Variants in SYDE2 observed in about 807,000 individuals in gnomAD.
The protein encoded by SYDE2 is synapse defective Rho GTPase homolog 2.
Under a neutral mutation model 91.5 loss-of-function variants are expected in SYDE2, and 76 were observed. The observed-to-expected ratio is 0.83, with a 90% CI of 0.69 to 1.01. The LOEUF (loss-of-function observed/expected upper bound fraction) is 1.01, where lower values mean the gene tolerates loss of function less well. Among genes scored for constraint, SYDE2 ranks in the 50% least tolerant of loss-of-function variants. The probability of loss-of-function intolerance (pLI) is 0.00; values close to 1 mark genes in which losing one functional copy is unlikely to be tolerated. For missense variants in SYDE2, 1,364 were observed against 1,367.7 expected (o/e 1.00, Z 0.04); for synonymous variants, 513 against 506.4 (o/e 1.01, Z -0.18).
chr1:85,178,095 G>A (rs1471720885), intron 4 of SYDE2, 51 bp downstream of exon 4: 4 of 1,381,624 alleles, frequency 2.9e-6, no homozygotes, highest in Non-Finnish European at 3.9e-6. Context: ...TATCTTTCTT[G>A]CAGATGTAGT....
chr1:85,176,148 A>C (rs1412786774), intron 4 of SYDE2, among the ~76,000 whole-genome samples: 1 of 139,834 alleles, frequency 7.2e-6, no homozygotes, highest in Non-Finnish European at 1.5e-5. Context: ...TTTTATTTAT[A>C]GAGTGTACTT....
Position 85,158,765 on chromosome 1 carries a change from A to C in SYDE2, c.3570T>G (p.Leu1190=). ...NLERELNKNK[L]NMSF Reference sequence around the variant, plus strand: ...ACCCTCAATCTCAAAAACTCATATTAAGCTTGTTTTTGTTGAGCTCACGTT... The same window carrying C: ...ACCCTCAATCTCAAAAACTCATATTCAGCTTGTTTTTGTTGAGCTCACGTT... The change falls in exon 7 of 7, where the codon CTT becomes CTG. Residue 1190 remains leucine (L), a synonymous_variant. Coordinates refer to ENST00000341460, the MANE Select transcript of SYDE2 (RefSeq NM_032184.2). 1 of 743,408 alleles carries C rather than the reference A, an allele frequency of 1.3e-6. No homozygotes were observed. The highest frequency in any genetic ancestry group is 2.5e-6 in the Non-Finnish European group (1 of 405,448). 46.1% of individuals were successfully genotyped at this position (743,408 alleles called of 1,614,324 possible).
At chr1:85,199,762 G>A (rs545533849) in intron 1 of SYDE2, among the ~76,000 whole-genome samples, 6 of 146,174 alleles carry the variant, frequency 4.1e-5, no homozygotes, top group Admixed American at 1.3e-4. Context: ...ATGTGTGTGC[G>A]TGCCTGGGAG....
chr1:85,189,488 G>A (rs550406408), intron 2 of SYDE2, among the ~76,000 whole-genome samples: 2 of 152,236 alleles, frequency 1.3e-5, no homozygotes, highest in South Asian at 2.1e-4. Flanking sequence ...CCAACTAATA[G>A]GCAAGCAATT....
chr1:85,198,508 A>T (rs1658686972), intron 1 of SYDE2, among the ~76,000 whole-genome samples: 1 of 152,220 alleles, frequency 6.6e-6, no homozygotes, highest in African/African-American at 2.4e-5. Flanking sequence ...ACCAGAGATT[A>T]TGGTAGCTTT....
chr1:85,173,749 A>G (rs1452766395), intron 4 of SYDE2, among the ~76,000 whole-genome samples: 3 of 152,230 alleles, frequency 2.0e-5, no homozygotes, highest in Non-Finnish European at 2.9e-5. Context: ...ACCTATAATG[A>G]GGAGTAAAAT....
intron 4 of SYDE2, among the ~76,000 whole-genome samples, chr1:85,174,050 C>T (rs1657599929): frequency 7.1e-6 from 1 of 140,572 alleles, no homozygotes; most frequent in Non-Finnish European, 1.5e-5. Flanking sequence ...ATGGAAAAAG[C>T]TGAAAAAAAA....
At chr1:85,183,246 AT>A in intron 2 of SYDE2, 46 bp from the exon 3 acceptor site, 1 of 1,466,804 alleles carries the variant, frequency 6.8e-7, no homozygotes, top group South Asian at 1.5e-5. Flanking sequence ...ATATGTTTTG[AT>A]TTCTTTTATT....
Position 85,182,078 on chromosome 1 carries a change from G to T in SYDE2, c.2544+20C>A. The T allele has an allele frequency of 6.5e-7, 1 of 1,548,492 alleles. No homozygotes were observed. Among genetic ancestry groups the T allele is most frequent in the South Asian group, 1.3e-5 (1 of 77,668 alleles). The stretch of plus-strand genomic sequence containing the variant: ...ATCAATCAATAAAGGAAGTAGTAGG[G>T]AACCATAGTAAGATAATACCTGACA... On this transcript the variant is annotated intron_variant, in intron 3 of 6. Transcript: ENST00000341460.
chr1:85,181,797 G>A (rs1445515700), intron 3 of SYDE2: 1 of 225,648 alleles, frequency 4.4e-6, no homozygotes, highest in Admixed American at 5.1e-5. Context: ...CTTTGCCTAT[G>A]TTATCAGCTC....
chr1:85,190,888 C>G, intron 1 of SYDE2, 136 bp from the exon 2 acceptor site: 2 of 566,728 alleles, frequency 3.5e-6, no homozygotes, highest in East Asian at 3.0e-5. Context: ...TAAAATTGAA[C>G]TAGAAAAAAT....
Position 85,200,400 on chromosome 1 carries a change from A to G in SYDE2, c.597T>C (p.Arg199=). 1 of 1,614,016 alleles carries G rather than the reference A, an allele frequency of 6.2e-7. No homozygotes were observed. Among genetic ancestry groups the G allele is most frequent in the Non-Finnish European group, 8.5e-7 (1 of 1,179,894 alleles). The part of the protein sequence containing the change: ...KKLQKWMYKG[R]LLSLGMKGRA... ...GACCCTTCATTCCCAGGGACAGCAG[A>G]CGCCCTTTGTACATCCACTTCTGCA... Residue 199 remains arginine (R), a synonymous_variant, in exon 1 of 7, where the codon CGT becomes CGC. Coordinates refer to ENST00000341460, the MANE Select transcript of SYDE2 (RefSeq NM_032184.2).
chr1:85,164,463 AT>A (rs2100647367), intron 6 of SYDE2, 62 bp downstream of exon 6: 1 of 1,172,318 alleles, frequency 8.5e-7, no homozygotes, highest in Non-Finnish European at 1.1e-6. Flanking sequence ...AGCATATTTA[AT>A]GATTAGTTAA....
In SYDE2 at chr1:85,182,128, A is replaced by G; in HGVS notation, c.2514T>C (p.Cys838=). The G allele has an allele frequency of 6.3e-7, 1 of 1,598,626 alleles. No homozygotes were observed. The highest frequency in any genetic ancestry group is 8.5e-7 in the Non-Finnish European group (1 of 1,173,646). The stretch of plus-strand genomic sequence containing the variant: ...AGCCTCTCTTTTCAATTTCCATAAT[A>G]CATTTCTGTATCAGAAGGGGCACCA... ...GLMVPLLIQK[C]IMEIEKRGCQ... The change falls in exon 3 of 7, where the codon TGT becomes TGC. Residue 838 remains cysteine, a synonymous_variant. Coordinates refer to ENST00000341460, the MANE Select transcript of SYDE2 (RefSeq NM_032184.2).
Position 85,200,397 on chromosome 1 carries a change from C to G in SYDE2, c.600G>C (p.Leu200=), listed in dbSNP as rs370764027. The part of the protein sequence containing the change: ...KLQKWMYKGR[L]LSLGMKGRAR... Reference sequence around the variant, plus strand: ...CACGACCCTTCATTCCCAGGGACAGCAGACGCCCTTTGTACATCCACTTCT... The same window carrying G: ...CACGACCCTTCATTCCCAGGGACAGGAGACGCCCTTTGTACATCCACTTCT... The change falls in exon 1 of 7, where the codon CTG becomes CTC. Residue 200 remains leucine, a synonymous_variant. Transcript: ENST00000341460. 4.3e-6 allele frequency: 7 copies of G among 1,614,056 alleles called. No individual in the cohort carries two copies. Among genetic ancestry groups the G allele is most frequent in the Admixed American group, 1.7e-5 (1 of 60,036 alleles).
At chr1:85,186,030 C>T (rs1479733955) in intron 2 of SYDE2, among the ~76,000 whole-genome samples, 7 of 151,682 alleles carry the variant, frequency 4.6e-5, no homozygotes, top group Non-Finnish European at 4.4e-5. Flanking sequence ...TGTCAAAGGC[C>T]TTTTCTGCAT....
intron 6 of SYDE2, chr1:85,159,808 T>A: frequency 1.0e-6 from 1 of 961,318 alleles, no homozygotes; most frequent in Admixed American, 6.2e-5. Flanking sequence ...AATACTAGAT[T>A]TGACCACTTT....
At chr1:85,189,777 G>A (rs767238750) in intron 2 of SYDE2, among the ~76,000 whole-genome samples, 9 of 152,184 alleles carry the variant, frequency 5.9e-5, no homozygotes, top group Non-Finnish European at 1.0e-4. Context: ...CAAGGCTGCG[G>A]TGCGCCATGA....
rs1398818050 is a variant in SYDE2 at position 85,157,912 on chromosome 1, A to G, written c.*838T>C. On this transcript the variant is annotated 3_prime_UTR_variant, in exon 7 of 7. Transcript: ENST00000341460. ...AAATATTTAATTTTTATAAGCTTAAATAATTACTGTTAATACAGAAAACAT... is the reference window on the plus strand; with the variant it reads ...AAATATTTAATTTTTATAAGCTTAAGTAATTACTGTTAATACAGAAAACAT... The G allele has an allele frequency of 6.6e-6, 1 of 152,174 alleles. No individual in the cohort carries two copies. Among genetic ancestry groups the G allele is most frequent in the African/African-American group, 2.4e-5 (1 of 41,456 alleles). The allele number at this position is 152,174 out of a possible 1,614,324, so 9.4% of individuals were successfully genotyped here. A position where few individuals can be genotyped will look rare whatever the true frequency, so the allele number is the denominator to read the frequency against.
Sources: gnomAD v4.1 joint callset for allele counts (sites outside exome capture counted in the v4.1 genomes callset) on GRCh38, gnomAD v4.1.1 for gene constraint, MANE v1.5 for transcripts, NCBI Gene and HGNC (gene_info 2026-07-23, HGNC 2026-07-21) for gene names.